The following LYPD5 variants were observed in gnomAD, a reference collection of about 807,000 sequenced individuals.
LYPD5 encodes LY6/PLAUR domain containing 5, also known as ly6/PLAUR domain-containing protein 5.
A neutral mutation model predicts 19.1 loss-of-function variants in LYPD5; 21 were observed. That is an observed-to-expected ratio of 1.10 (90% CI 0.78 to 1.58). LYPD5 has a LOEUF of 1.58. Ranked by LOEUF, LYPD5 falls within the 40% of genes most tolerant of loss-of-function variation. The pLI is 0.00. For missense variants in LYPD5, 287 were observed against 329.8 expected, an observed-to-expected ratio of 0.87 and a Z score of 1.00; for synonymous variants, 128 against 142.7, an observed-to-expected ratio of 0.90 and a Z score of 0.74.
At chr19:43,798,779 C>G in intron 3 of LYPD5, 33 bp downstream of exon 3, 1 of 1,585,418 alleles carries the variant, frequency 6.3e-7, no homozygotes, top group Non-Finnish European at 8.6e-7. Flanking sequence ...TCTCATCGTC[C>G]CTCCCGGAGC....
At chr19:43,812,542 C>A (rs547511041) in intron 1 of LYPD5, among the ~76,000 whole-genome samples, 2 of 152,328 alleles carry the variant, frequency 1.3e-5, no homozygotes, top group East Asian at 3.9e-4. Context: ...TTCTCCAATT[C>A]AATTCTTCCC....
intron 1 of LYPD5, among the ~76,000 whole-genome samples, chr19:43,810,820 C>T (rs1246370952): frequency 1.3e-5 from 2 of 151,598 alleles, no homozygotes; most frequent in Non-Finnish European, 2.9e-5. Flanking sequence ...AGTAGAGATG[C>T]GGTTTCACCA....
At chr19:43,811,749 G>GGGAA in intron 1 of LYPD5, among the ~76,000 whole-genome samples, 1 of 134,472 alleles carries the variant, frequency 7.4e-6, no homozygotes, top group South Asian at 2.4e-4. Flanking sequence ...AAGGAAGGAA[G>GGGAA]GGAGGGAGGG....
chr19:43,819,407 C>T (rs1382201777), intron 1 of LYPD5, among the ~76,000 whole-genome samples: 1 of 151,656 alleles, frequency 6.6e-6, no homozygotes, highest in Non-Finnish European at 1.5e-5. Flanking sequence ...GCCTCAGCCT[C>T]CCGAGGGGTC....
At chr19:43,800,653 A>C (rs1279819237) in intron 1 of LYPD5, among the ~76,000 whole-genome samples, 1 of 152,112 alleles carries the variant, frequency 6.6e-6, no homozygotes, top group Non-Finnish European at 1.5e-5. Flanking sequence ...AGATCACAAA[A>C]ACATACAGTT....
intron 1 of LYPD5, among the ~76,000 whole-genome samples, chr19:43,814,040 G>A (rs770733763): frequency 9.9e-5 from 15 of 152,004 alleles, no homozygotes; most frequent in Admixed American, 2.6e-4. Context: ...CATGCATTTT[G>A]TATGTACGCC....
chr19:43,805,765 C>T (rs545662775), upstream of LYPD5, among the ~76,000 whole-genome samples: 1 of 152,332 alleles, frequency 6.6e-6, no homozygotes, highest in East Asian at 1.9e-4. Context: ...GCCTCGGCCT[C>T]CCAAAGTGCT....
At chr19:43,809,886 C>T (rs1311546005) in intron 1 of LYPD5, among the ~76,000 whole-genome samples, 1 of 152,206 alleles carries the variant, frequency 6.6e-6, no homozygotes, top group Admixed American at 6.5e-5. Flanking sequence ...TTTTAAATGA[C>T]ATAAAATCAA....
chr19:43,813,903 G>C (rs1472702505), intron 1 of LYPD5, among the ~76,000 whole-genome samples: 1 of 152,146 alleles, frequency 6.6e-6, no homozygotes, highest in African/African-American at 2.4e-5. Flanking sequence ...GGCCAGGCTG[G>C]TCTCGAACTC....
chr19:43,799,098 C>CTCCCTCCTCCT (rs1555728093), intron 2 of LYPD5, 110 bp from the exon 3 acceptor site: 57 of 1,014,970 alleles, frequency 5.6e-5, no homozygotes, highest in Non-Finnish European at 7.6e-5. Context: ...ACCTCCTCCC[C>CTCCCTCCTCCT]TCCCTCCTTC....
upstream of LYPD5, among the ~76,000 whole-genome samples, chr19:43,806,111 G>C (rs1314695958): frequency 1.3e-5 from 2 of 152,118 alleles, no homozygotes; most frequent in African/African-American, 4.8e-5. Context: ...TTAGGAACGG[G>C]GCCGCACAGC....
intron 1 of LYPD5, 189 bp from the exon 2 acceptor site, chr19:43,800,023 C>G (rs999887442): frequency 1.5e-5 from 9 of 618,048 alleles, no homozygotes; most frequent in Non-Finnish European, 2.4e-5. Flanking sequence ...AGAGTAATGA[C>G]CTCTCTGCAG....
intron 1 of LYPD5, among the ~76,000 whole-genome samples, chr19:43,811,673 G>GAGAAAGAAAGAAAGAAAGAAAGAA (rs757588163): frequency 7.9e-6 from 1 of 126,366 alleles, no homozygotes; most frequent in African/African-American, 3.0e-5. Flanking sequence ...GTGACAAAGG[G>GAGAAAGAAAGAAAGAAAGAAAGAA]AGAAAGAAAG....
chr19:43,816,032 CTCTA>C (rs111461643), intron 1 of LYPD5, among the ~76,000 whole-genome samples: 40,590 of 147,666 alleles, frequency 0.27, 5,549 homozygotes, highest in South Asian at 0.4. Flanking sequence ...CCACGCCCCA[CTCTA>C]TCTATCTATC....
intron 1 of LYPD5, among the ~76,000 whole-genome samples, chr19:43,809,098 G>T (rs879426768): frequency 1.3e-5 from 2 of 152,158 alleles, no homozygotes; most frequent in Non-Finnish European, 2.9e-5. Flanking sequence ...GGAGTGCAAC[G>T]GCGTGGTCTC....
intron 1 of LYPD5, among the ~76,000 whole-genome samples, chr19:43,812,568 A>G (rs1178929160): frequency 6.6e-6 from 1 of 152,170 alleles, no homozygotes. Context: ...TTCTTTTCAG[A>G]CTATTTTTAA....
intron 1 of LYPD5, among the ~76,000 whole-genome samples, chr19:43,807,807 T>G (rs1195549501): frequency 6.6e-6 from 1 of 152,208 alleles, no homozygotes; most frequent in Non-Finnish European, 1.5e-5. Flanking sequence ...GGTCTGGCAC[T>G]GGGCTTCTGG....
chr19:43,816,561 C>G (rs113760865), intron 1 of LYPD5, among the ~76,000 whole-genome samples: 1,959 of 152,310 alleles, frequency 0.013, 38 homozygotes, highest in African/African-American at 0.045. Flanking sequence ...GATCATTAAG[C>G]ACATACTAAG....
chr19:43,799,158 C>T (rs1970184928), intron 2 of LYPD5, 170 bp from the exon 3 acceptor site: 1 of 717,490 alleles, frequency 1.4e-6, no homozygotes. Flanking sequence ...TTCTCTTCCT[C>T]CACTCTTCCT....
Sources: gnomAD v4.1 joint callset for allele counts (sites outside exome capture counted in the v4.1 genomes callset) on GRCh38, gnomAD v4.1.1 for gene constraint, MANE v1.5 for transcripts, NCBI Gene and HGNC (gene_info 2026-07-23, HGNC 2026-07-21) for gene names.